The following HACE1 variants were observed in gnomAD, a reference collection of about 807,000 sequenced individuals.
HACE1 encodes HECT domain and ankyrin repeat containing E3 ubiquitin protein ligase 1, also known as E3 ubiquitin-protein ligase HACE1.
HACE1 carries 73 observed loss-of-function variants against 118.4 expected under a neutral mutation model. The observed-to-expected ratio is 0.62, with a 90% CI of 0.51 to 0.75. HACE1 has a LOEUF of 0.75. Ranked by LOEUF, HACE1 falls within the 30% of genes least tolerant of loss-of-function variation. The pLI is 0.00. For synonymous variants in HACE1, 368 were observed against 374.8 expected (o/e 0.98, Z 0.21); for missense variants, 749 against 1,102.2 (o/e 0.68, Z 4.54).
chr6:104,759,778 G>C (rs948049718), intron 19 of HACE1, among the ~76,000 whole-genome samples: 1 of 151,904 alleles, frequency 6.6e-6, no homozygotes, highest in Non-Finnish European at 1.5e-5. Context: ...TTTTTGAAAA[G>C]ATCAACAAAA....
rs1230351770 is a variant in HACE1 at position 104,729,410 on chromosome 6, G to A, written c.*252C>T. ...ATAAAATTAATTATGAAAAAGGACA[G>A]TCTCTATTACTTTCAGTTAGCATTT... On this transcript the variant is annotated 3_prime_UTR_variant, in exon 24 of 24. Transcript: ENST00000262903. The A allele has an allele frequency of 8.4e-6, 4 of 476,444 alleles. No homozygotes were observed. Among genetic ancestry groups the A allele is most frequent in the African/African-American group, 5.9e-5 (3 of 50,826 alleles). The allele number at this position is 476,444 out of a possible 1,614,324, so 29.5% of individuals were successfully genotyped here. A position where few individuals can be genotyped will look rare whatever the true frequency, so the allele number is the denominator to read the frequency against.
chr6:104,730,317 TGGTAAAA>T lies in HACE1; in HGVS notation c.2606_2612del (p.Leu869GlnfsTer69). On this transcript the variant is annotated frameshift_variant, in exon 23 of 24. Coordinates refer to ENST00000262903, the MANE Select transcript of HACE1 (RefSeq NM_020771.4). LOFTEE classifies it high-confidence loss of function. ...AGTCAACATACCATGTGCTTGAAGT[TGGTAAAA>T]GATTTGGAGTATATGGCACAGCAGC... is the stretch of plus-strand genomic sequence containing the variant. The T allele has an allele frequency of 6.6e-7, 1 of 1,506,868 alleles. No homozygotes were observed. Among genetic ancestry groups the T allele is most frequent in the Non-Finnish European group, 9.2e-7 (1 of 1,081,886 alleles). 93.3% of individuals were successfully genotyped at this position (1,506,868 alleles called of 1,614,324 possible). A position where few individuals can be genotyped will look rare whatever the true frequency, so the allele number is the denominator to read the frequency against.
At chr6:104,802,803 A>C (rs917324359) in intron 7 of HACE1, among the ~76,000 whole-genome samples, 1 of 152,220 alleles carries the variant, frequency 6.6e-6, no homozygotes, top group Non-Finnish European at 1.5e-5. Context: ...AATTAAAAGA[A>C]CTAGAGAAGC....
chr6:104,774,682 G>T (rs1383187424), intron 17 of HACE1, among the ~76,000 whole-genome samples: 1 of 152,068 alleles, frequency 6.6e-6, no homozygotes, highest in East Asian at 1.9e-4. Flanking sequence ...CCGCGCCCAA[G>T]CAGGTATCAT....
intron 19 of HACE1, among the ~76,000 whole-genome samples, chr6:104,763,015 T>C (rs964838484): frequency 3.9e-5 from 5 of 127,182 alleles, no homozygotes; most frequent in African/African-American, 1.5e-4. Flanking sequence ...AAAAAAAGAA[T>C]CAGTCAAATA....
At chr6:104,775,178 C>CA (rs1562341864) in intron 17 of HACE1, among the ~76,000 whole-genome samples, 1 of 152,048 alleles carries the variant, frequency 6.6e-6, no homozygotes, top group African/African-American at 2.4e-5. Flanking sequence ...CTCATCTCCA[C>CA]AAAAAGAATA....
intron 7 of HACE1, among the ~76,000 whole-genome samples, chr6:104,806,421 C>T (rs1420550995): frequency 3.7e-4 from 57 of 152,100 alleles, no homozygotes; most frequent in Admixed American, 3.7e-3. Context: ...ATGATCACGC[C>T]ACTGCACTCC....
intron 1 of HACE1, 184 bp downstream of exon 1, chr6:104,859,383 C>T (rs1209225601): frequency 1.1e-5 from 6 of 536,714 alleles, no homozygotes; most frequent in East Asian, 3.5e-5. Context: ...TCCCACCTGC[C>T]GGGGTGGGAG....
Position 104,763,429 on chromosome 6 carries a change from A to G in HACE1, c.2211+7764T>C, listed in dbSNP as rs534401190. On this transcript the variant is annotated intron_variant, in intron 19 of 23. Transcript: ENST00000262903. ...TTGGCAATGACACCCAAGTCTCAAC[A>G]TGAATTTGTTTCATTGAACCATCAG... Among the ~76,000 whole-genome samples, 250 of 152,324 alleles carry G rather than the reference A, an allele frequency of 1.6e-3. 1 individual carries two copies. The highest frequency in any genetic ancestry group is 5.8e-3 in the African/African-American group (241 of 41,580).
At chr6:104,761,922 T>C (rs1484723464) in intron 19 of HACE1, among the ~76,000 whole-genome samples, 3 of 152,322 alleles carry the variant, frequency 2.0e-5, no homozygotes, top group African/African-American at 4.8e-5. Context: ...AGAAGACATT[T>C]ATGCACCCAA....
rs561684979 is a variant in HACE1, at chr6:104,740,628, A to G, written c.2513+3532T>C. ...AAACTAGGAAGAAGTTGAATCTCTG[A>G]ATAGACCAATAACAGGATCTGAAAT... On this transcript the variant is annotated intron_variant, in intron 22 of 23. Transcript: ENST00000262903. Among the ~76,000 whole-genome samples the G allele has an allele frequency of 4.9e-3, 737 of 151,358 alleles. 4 individuals carry two copies. Among genetic ancestry groups the G allele is most frequent in the African/African-American group, 0.017 (707 of 41,214 alleles).
chr6:104,818,784 C>T lies in HACE1; in HGVS notation c.535-7391G>A, dbSNP rs141442427. Among the ~76,000 whole-genome samples the T allele has an allele frequency of 8.0e-4, 121 of 152,114 alleles. 1 individual carries two copies. Among genetic ancestry groups the T allele is most frequent in the African/African-American group, 2.8e-3 (115 of 41,484 alleles). On this transcript the variant is annotated intron_variant, in intron 6 of 23. Coordinates refer to ENST00000262903, the MANE Select transcript of HACE1 (RefSeq NM_020771.4). Reference sequence around the variant, plus strand: ...TAAGCAGAACTAAAGACAAAAACCACATGATTATCTCAACAGATGCAGAAA... The same window carrying T: ...TAAGCAGAACTAAAGACAAAAACCATATGATTATCTCAACAGATGCAGAAA...
At chr6:104,771,710 A>G (rs1253077395) in intron 18 of HACE1, among the ~76,000 whole-genome samples, 2 of 151,920 alleles carry the variant, frequency 1.3e-5, no homozygotes, top group Admixed American at 1.3e-4. Flanking sequence ...AAATTGAAAA[A>G]AAAAAAAAAA....
intron 7 of HACE1, among the ~76,000 whole-genome samples, chr6:104,806,773 T>A (rs1373775111): frequency 6.6e-6 from 1 of 152,144 alleles, no homozygotes; most frequent in East Asian, 1.9e-4. Context: ...TTATGAAAAC[T>A]AAGAAGTCAA....
intron 6 of HACE1, among the ~76,000 whole-genome samples, chr6:104,814,619 T>A (rs1193695633): frequency 7.3e-6 from 1 of 137,182 alleles, no homozygotes; most frequent in Admixed American, 7.2e-5. Context: ...GGAGAGACAC[T>A]AAGATTATTT....
chr6:104,800,658 G>C (rs1488198481), intron 7 of HACE1, among the ~76,000 whole-genome samples: 1 of 152,122 alleles, frequency 6.6e-6, no homozygotes, highest in Non-Finnish European at 1.5e-5. Flanking sequence ...ACTAAGAAAG[G>C]AGTAGCATCA....
chr6:104,852,378 A>G lies in HACE1; in HGVS notation c.77-7T>C, dbSNP rs924806616. On this transcript the variant is annotated splice_polypyrimidine_tract_variant and splice_region_variant and intron_variant, in intron 1 of 23. Transcript: ENST00000262903. ...TAAACAGCAGTTTCATTATCTGAGT[A>G]AAAAAAAACAAAGAGTTCATTTATC... 7.0e-7 allele frequency: 1 copy of G among 1,426,768 alleles called. No individual in the cohort carries two copies. Among genetic ancestry groups the G allele is most frequent in the Non-Finnish European group, 9.6e-7 (1 of 1,038,574 alleles). The allele number at this position is 1,426,768 out of a possible 1,614,324, so 88.4% of individuals were successfully genotyped here.
chr6:104,832,696 G>C (rs1191337830), intron 6 of HACE1, among the ~76,000 whole-genome samples: 8 of 151,986 alleles, frequency 5.3e-5, no homozygotes, highest in African/African-American at 1.9e-4. Context: ...CAGCCCAAAA[G>C]CACTATTTTC....
intron 23 of HACE1, 36 bp downstream of exon 23, chr6:104,730,267 A>G: frequency 1.0e-6 from 1 of 991,768 alleles, no homozygotes; most frequent in South Asian, 1.3e-5. Flanking sequence ...AATCAAAACA[A>G]TTTGTAAAGC....
Sources: gnomAD v4.1 joint callset for allele counts (sites outside exome capture counted in the v4.1 genomes callset) on GRCh38, gnomAD v4.1.1 for gene constraint, MANE v1.5 for transcripts, NCBI Gene and HGNC (gene_info 2026-07-23, HGNC 2026-07-21) for gene names.